The following PDE11A variants were observed in gnomAD, a reference collection of about 807,000 sequenced individuals.
PDE11A encodes dual 3',5'-cyclic-AMP and -GMP phosphodiesterase 11A.
Under a neutral mutation model 100.5 loss-of-function variants are expected in PDE11A, and 100 were observed. The observed-to-expected ratio is 1.00, with a 90% CI of 0.85 to 1.18. PDE11A has a LOEUF of 1.18. PDE11A is among the 50% of genes most tolerant of loss of function. The pLI is 0.00. For synonymous variants in PDE11A, 381 were observed against 420.8 expected (o/e 0.91, Z 1.16); for missense variants, 1,141 against 1,152.6 (o/e 0.99, Z 0.15).
intron 1 of PDE11A, among the ~76,000 whole-genome samples, chr2:178,046,585 C>T (rs1319311733): frequency 6.6e-6 from 1 of 152,022 alleles, no homozygotes; most frequent in Admixed American, 6.6e-5. Context: ...GTCATTGAGT[C>T]AGAAGGTGAG....
chr2:177,701,008 A>C (rs996096836), intron 14 of PDE11A, 113 bp downstream of exon 14: 1 of 742,952 alleles, frequency 1.3e-6, no homozygotes, highest in African/African-American at 1.7e-5. Context: ...TGACTTAGAA[A>C]TGGTTTTCCC....
intron 5 of PDE11A, among the ~76,000 whole-genome samples, chr2:177,862,877 C>T (rs948756287): frequency 2.0e-5 from 3 of 151,786 alleles, no homozygotes; most frequent in Admixed American, 6.6e-5. Flanking sequence ...ATAGCCAAAA[C>T]AATACTGAGA....
intron 19 of PDE11A, among the ~76,000 whole-genome samples, chr2:177,639,998 A>G (rs1256932257): frequency 6.6e-6 from 1 of 152,226 alleles, no homozygotes; most frequent in Non-Finnish European, 1.5e-5. Flanking sequence ...ATTAAGAAAA[A>G]AAGACATTTA....
In PDE11A at chr2:177,633,837, T is replaced by C. The variant is rs566746234; in HGVS notation, c.2647-4275A>G. ...CTATGGAAATTAGTGTTTATGTTAT[T>C]TTCCTGCTACAAAAGCATTTCTCCA... On this transcript the variant is annotated intron_variant, in intron 19 of 19. Transcript: ENST00000286063. 3.9e-5 allele frequency among the ~76,000 whole-genome samples: 6 copies of C among 152,342 alleles called. No homozygotes were observed. In the South Asian group the frequency reaches 1.2e-3, roughly 32 times the overall value.
intron 10 of PDE11A, among the ~76,000 whole-genome samples, chr2:177,736,029 C>A (rs1394849833): frequency 1.3e-5 from 2 of 152,198 alleles, no homozygotes; most frequent in African/African-American, 4.8e-5. Context: ...AACAGCGAAC[C>A]CTTTCTTTCC....
chr2:177,716,536 T>A (rs1372383155), intron 12 of PDE11A, among the ~76,000 whole-genome samples: 1 of 152,210 alleles, frequency 6.6e-6, no homozygotes, highest in Non-Finnish European at 1.5e-5. Flanking sequence ...TATTTGAGGA[T>A]GATTTTTGAG....
intron 16 of PDE11A, chr2:177,675,965 G>C (rs890889405): frequency 1.1e-4 from 35 of 306,744 alleles, no homozygotes; most frequent in Admixed American, 3.2e-4. Flanking sequence ...ACACCAAAGA[G>C]GCAAGGCACA....
chr2:177,928,104 CAAA>C (rs59085357), intron 2 of PDE11A, among the ~76,000 whole-genome samples: 10 of 56,452 alleles, frequency 1.8e-4, no homozygotes, highest in Non-Finnish European at 2.6e-4. Flanking sequence ...AACTCCATCT[CAAA>C]AAAAAAAAAA....
chr2:178,095,226 A>G (rs977076549), intron 2 of PDE11A, among the ~76,000 whole-genome samples: 1 of 152,202 alleles, frequency 6.6e-6, no homozygotes, highest in African/African-American at 2.4e-5. Context: ...AAAGCAAGTT[A>G]TTTACTTCCT....
intron 9 of PDE11A, among the ~76,000 whole-genome samples, chr2:177,813,583 A>G (rs1168701793): frequency 6.6e-6 from 1 of 152,158 alleles, no homozygotes; most frequent in African/African-American, 2.4e-5. Flanking sequence ...ATTTACTTTC[A>G]GAGGATGTAC....
intron 2 of PDE11A, among the ~76,000 whole-genome samples, chr2:178,006,226 A>C (rs568078166): frequency 6.6e-6 from 1 of 152,232 alleles, no homozygotes; most frequent in South Asian, 2.1e-4. Context: ...CTGGAAAAAA[A>C]TGTTAAACTA....
chr2:177,828,187 C>G (rs73036090), intron 6 of PDE11A, among the ~76,000 whole-genome samples: 14,703 of 151,964 alleles, frequency 0.097, 746 homozygotes, highest in Middle Eastern at 0.14. Flanking sequence ...AAGCTCTAAC[C>G]TTTCCATCTT....
intron 2 of PDE11A, among the ~76,000 whole-genome samples, chr2:177,949,085 C>T (rs1206065572): frequency 6.6e-6 from 1 of 152,068 alleles, no homozygotes; most frequent in Non-Finnish European, 1.5e-5. Flanking sequence ...TAGTGCTCAT[C>T]CTACACACAC....
intron 2 of PDE11A, among the ~76,000 whole-genome samples, chr2:177,937,556 A>G (rs1162037020): frequency 6.6e-6 from 1 of 152,104 alleles, no homozygotes; most frequent in East Asian, 1.9e-4. Flanking sequence ...TGACCTCGTG[A>G]TCTGCCAGTC....
At chr2:177,961,544 C>T (rs1193022580) in intron 2 of PDE11A, among the ~76,000 whole-genome samples, 1 of 152,092 alleles carries the variant, frequency 6.6e-6, no homozygotes, top group Non-Finnish European at 1.5e-5. Context: ...TTCTTGAAAC[C>T]AATTCCCACA....
At chr2:177,945,805 CCG>C (rs2085411928) in intron 2 of PDE11A, among the ~76,000 whole-genome samples, 1 of 149,210 alleles carries the variant, frequency 6.7e-6, no homozygotes. Flanking sequence ...GCCCGGCCAG[CCG>C]TGCCATCCGG....
chr2:178,106,199 A>T (rs2087616065), intron 1 of PDE11A, among the ~76,000 whole-genome samples: 1 of 152,250 alleles, frequency 6.6e-6, no homozygotes, highest in Admixed American at 6.5e-5. Context: ...ATTCTTAGTT[A>T]CTGCTCCAAG....
At chr2:177,948,556 T>C (rs2085471116) in intron 2 of PDE11A, among the ~76,000 whole-genome samples, 1 of 152,356 alleles carries the variant, frequency 6.6e-6, no homozygotes, top group South Asian at 2.1e-4. Context: ...GTTAATCAAC[T>C]AAATTTCTTT....
intron 3 of PDE11A, among the ~76,000 whole-genome samples, chr2:177,903,059 C>A (rs1189028667): frequency 6.6e-6 from 1 of 152,138 alleles, no homozygotes; most frequent in Non-Finnish European, 1.5e-5. Flanking sequence ...CCTTGCCATG[C>A]CCACAGGCTT....
Sources: gnomAD v4.1 joint callset for allele counts (sites outside exome capture counted in the v4.1 genomes callset) on GRCh38, gnomAD v4.1.1 for gene constraint, MANE v1.5 for transcripts, NCBI Gene and HGNC (gene_info 2026-07-23, HGNC 2026-07-21) for gene names.